The following FGF13 variants were observed in gnomAD, a reference collection of about 807,000 sequenced individuals.
FGF13 encodes fibroblast growth factor 13.
Under a neutral mutation model 19.5 loss-of-function variants are expected in FGF13, and 2 were observed. The observed-to-expected ratio is 0.10, with a 90% CI of 0.04 to 0.32. The LOEUF (loss-of-function observed/expected upper bound fraction) is 0.32. Among genes scored for constraint, FGF13 ranks in the 10% least tolerant of loss-of-function variants. The pLI is 1.00. For missense variants in FGF13, 113 were observed against 192.7 expected (o/e 0.59, Z 2.45); for synonymous variants, 72 against 76.9 (o/e 0.94, Z 0.33).
chrX:139,061,267 C>T (rs916579871), intron 1 of FGF13, among the ~76,000 whole-genome samples: 10 of 111,985 alleles, frequency 8.9e-5, no homozygotes, highest in African/African-American at 3.2e-4. Context: ...CCTACCAAAA[C>T]TCATGTTGAG....
chrX:138,848,769 C>T (rs1350562240), intron 3 of FGF13, among the ~76,000 whole-genome samples: 4 of 111,720 alleles, frequency 3.6e-5, no homozygotes. Context: ...TTCCAATGTA[C>T]AGCCAAGTTT....
intron 1 of FGF13, among the ~76,000 whole-genome samples, chrX:139,004,365 C>T (rs1474714895): frequency 8.9e-6 from 1 of 112,728 alleles, no homozygotes; most frequent in Non-Finnish European, 1.9e-5. Flanking sequence ...TCCAGCTGGC[C>T]GGCAAGCGCC....
At chrX:138,776,385 T>A (rs753100055) in intron 3 of FGF13, among the ~76,000 whole-genome samples, 2 of 112,392 alleles carry the variant, frequency 1.8e-5, no homozygotes, top group East Asian at 2.8e-4. Context: ...TTTGCCTACA[T>A]AACAAACACT....
At chrX:139,068,659 C>T (rs1439317968) in intron 1 of FGF13, among the ~76,000 whole-genome samples, 2 of 108,332 alleles carry the variant, frequency 1.8e-5, no homozygotes, top group African/African-American at 6.8e-5. Context: ...TCTTTTATTT[C>T]CTTGAGCAGT....
At chrX:139,048,916 C>T (rs2092296154) in intron 1 of FGF13, among the ~76,000 whole-genome samples, 1 of 111,182 alleles carries the variant, frequency 9.0e-6, no homozygotes, top group Non-Finnish European at 1.9e-5. Flanking sequence ...TGGCACACAA[C>T]ACTAACGAGT....
chrX:138,640,362 G>A (rs188598663), intron 3 of FGF13, among the ~76,000 whole-genome samples: 2 of 112,066 alleles, frequency 1.8e-5, no homozygotes, highest in African/African-American at 6.5e-5. Flanking sequence ...GGAAATAACC[G>A]CAAGACCCAA....
intron 1 of FGF13, among the ~76,000 whole-genome samples, chrX:139,066,716 A>C (rs1366326237): frequency 9.0e-6 from 1 of 111,036 alleles, no homozygotes; most frequent in Non-Finnish European, 1.9e-5. Context: ...AGCTGATACC[A>C]TTCCTTCTGA....
intron 3 of FGF13, among the ~76,000 whole-genome samples, chrX:138,674,866 T>C (rs1180543576): frequency 9.0e-6 from 1 of 111,210 alleles, no homozygotes; most frequent in Non-Finnish European, 1.9e-5. Context: ...ATATGGATAC[T>C]AAAATTATCA....
chrX:138,960,064 T>A (rs1309376743), intron 1 of FGF13, among the ~76,000 whole-genome samples: 1 of 112,017 alleles, frequency 8.9e-6, no homozygotes, highest in South Asian at 3.8e-4. Context: ...TCCTGTCATT[T>A]TGATGTTAGC....
At position 139,065,271 on chromosome X, in the gene FGF13, A is replaced by G. The variant is rs927252965; in HGVS notation, c.-113+138145T>C. ...CTAATGGGCAAAATAACCAACTAAC[A>G]TCATAATGACAGGATCAAATTCACA... On this transcript the variant is annotated intron_variant, in intron 1 of 2. Transcript: ENST00000421460. Among the ~76,000 whole-genome samples, 10 of 110,484 alleles carry G rather than the reference A, an allele frequency of 9.1e-5. No homozygotes were observed. The Admixed American group carries it at 9.7e-4, about 11-fold the overall frequency.
chrX:139,121,136 T>C (rs1043564727), intron 1 of FGF13, among the ~76,000 whole-genome samples: 2 of 112,137 alleles, frequency 1.8e-5, no homozygotes, highest in Admixed American at 9.5e-5. Flanking sequence ...GACATCATTA[T>C]AATTTATTAC....
chrX:138,879,750 C>T (rs906971979), intron 1 of FGF13, among the ~76,000 whole-genome samples: 5 of 107,607 alleles, frequency 4.6e-5, no homozygotes, highest in Non-Finnish European at 9.7e-5. Context: ...CTAGTCAATG[C>T]CATTCAGCAC....
intron 1 of FGF13, among the ~76,000 whole-genome samples, chrX:139,033,167 A>G: frequency 9.0e-6 from 1 of 110,542 alleles, no homozygotes; most frequent in East Asian, 2.8e-4. Context: ...ATCAGAGCAA[A>G]ATTGGAGTTT....
intron 3 of FGF13, among the ~76,000 whole-genome samples, chrX:138,777,897 C>A (rs572108536): frequency 7.4e-5 from 8 of 108,381 alleles, no homozygotes; most frequent in Admixed American, 6.9e-4. Context: ...ATCCAGGAAA[C>A]GCAAAACATA....
intron 1 of FGF13, among the ~76,000 whole-genome samples, chrX:139,018,464 C>T (rs1435922271): frequency 7.2e-5 from 8 of 111,464 alleles, no homozygotes; most frequent in Non-Finnish European, 1.3e-4. Flanking sequence ...GACTAAGTTC[C>T]ATCTGCCATA....
chrX:139,031,192 T>G (rs2092225261), intron 1 of FGF13, among the ~76,000 whole-genome samples: 1 of 108,449 alleles, frequency 9.2e-6, no homozygotes, highest in Non-Finnish European at 1.9e-5. Flanking sequence ...TGTAAAACAT[T>G]TTTAAGCTGG....
chrX:138,634,255 C>T (rs968562631), intron 4 of FGF13, among the ~76,000 whole-genome samples: 1 of 111,542 alleles, frequency 9.0e-6, no homozygotes, highest in African/African-American at 3.3e-5. Flanking sequence ...AGTCCAGTGG[C>T]ACGATCTCAG....
At chrX:139,130,102 T>G (rs771882548) in intron 1 of FGF13, among the ~76,000 whole-genome samples, 2 of 112,293 alleles carry the variant, frequency 1.8e-5, no homozygotes, top group African/African-American at 6.5e-5. Context: ...ATTTTTAAAC[T>G]ATTTAGTATT....
At chrX:138,883,429 C>T (rs745731654) in intron 1 of FGF13, among the ~76,000 whole-genome samples, 18 of 111,069 alleles carry the variant, frequency 1.6e-4, no homozygotes, top group Non-Finnish European at 3.2e-4. Flanking sequence ...AACTGGGATA[C>T]CAAGTTTGAA....
Sources: gnomAD v4.1 joint callset for allele counts (sites outside exome capture counted in the v4.1 genomes callset) on GRCh38, gnomAD v4.1.1 for gene constraint, MANE v1.5 for transcripts, NCBI Gene and HGNC (gene_info 2026-07-23, HGNC 2026-07-21) for gene names.